KIF2C: variants seen among roughly 807,000 people sequenced by gnomAD.
KIF2C encodes the protein kinesin family member 2C.
Under a neutral mutation model 97.4 loss-of-function variants are expected in KIF2C, and 34 were observed. The ratio of observed to expected loss-of-function variants is 0.35; its 90% confidence interval spans 0.27 to 0.46. The LOEUF (loss-of-function observed/expected upper bound fraction) is 0.46, where lower values mean the gene tolerates loss of function less well. KIF2C is among the 20% of genes least tolerant of loss of function. The pLI, the probability that KIF2C is intolerant of heterozygous loss-of-function variation, is 1.00. For missense variants in KIF2C, 750 were observed against 907.6 expected (o/e 0.83, Z 2.23); for synonymous variants, 313 against 318.2 (o/e 0.98, Z 0.17).
At chr1:44,741,367 G>A (rs888171845) in intron 2 of KIF2C, among the ~76,000 whole-genome samples, 6 of 146,358 alleles carry the variant, frequency 4.1e-5, no homozygotes, top group African/African-American at 1.5e-4. Context: ...GGGTGACAGT[G>A]AGAATCTGTC....
At chr1:44,746,822 G>A (rs1461251805) in intron 2 of KIF2C, 1 of 1,512,692 alleles carries the variant, frequency 6.6e-7, no homozygotes, top group African/African-American at 1.4e-5. Flanking sequence ...GGAACTTAAA[G>A]TTGGTAAAGT....
Position 44,757,889 on chromosome 1 carries a change from C to G in KIF2C, c.1069-19C>G. On this transcript the variant is annotated intron_variant, in intron 11 of 20. Coordinates refer to ENST00000372224, the MANE Select transcript of KIF2C (RefSeq NM_006845.4). ...GCCAACAGCCCTTTTCCATGGTCTT[C>G]TACCCCTTCCCTTTGCAGACTATGG... 2.5e-6 allele frequency: 4 copies of G among 1,613,416 alleles called. No individual in the cohort carries two copies. Among genetic ancestry groups the G allele is most frequent in the Non-Finnish European group, 3.4e-6 (4 of 1,179,614 alleles).
In KIF2C at chr1:44,750,426, G is replaced by A. The variant is rs1249756993; in HGVS notation, c.317-16G>A. On this transcript the variant is annotated splice_polypyrimidine_tract_variant and intron_variant, in intron 4 of 20. Transcript: ENST00000372224. The stretch of plus-strand genomic sequence containing the variant: ...GATCGTGCAGCACTGACTGGCTACT[G>A]CTCTCGGTTCTCCAGGTCTTCGAAG... 2.1e-6 allele frequency: 3 copies of A among 1,437,454 alleles called. No homozygotes were observed. The highest frequency in any genetic ancestry group is 2.6e-5 in the East Asian group (1 of 38,290). The allele number at this position is 1,437,454 out of a possible 1,614,324, so 89.0% of individuals were successfully genotyped here. A position where few individuals can be genotyped will look rare whatever the true frequency, so the allele number is the denominator to read the frequency against.
At position 44,757,983 on chromosome 1, in the gene KIF2C, G is replaced by A. The variant is rs1649929350; in HGVS notation, c.1132+12G>A. The A allele has an allele frequency of 6.2e-7, 1 of 1,614,148 alleles. No homozygotes were observed. Among genetic ancestry groups the A allele is most frequent in the East Asian group, 2.2e-5 (1 of 44,892 alleles). On this transcript the variant is annotated intron_variant, in intron 12 of 20. Transcript: ENST00000372224. ...CTATGCCATGGCCTGTAAGTACTGT[G>A]TACTGCTGCTTCAGGGTTGGGCACA...
intron 14 of KIF2C, among the ~76,000 whole-genome samples, chr1:44,759,961 G>A (rs1203352100): frequency 6.6e-6 from 1 of 152,178 alleles, no homozygotes; most frequent in Non-Finnish European, 1.5e-5. Flanking sequence ...GTTCTGGCAG[G>A]TGGTTCATGA....
chr1:44,767,252 C>A lies in KIF2C; in HGVS notation c.*73C>A. ...GGCCCTCCCCAGAGAACTTTGGGTA[C>A]CTGGTGGGTCTAGGCAGGGTCTGAG... On this transcript the variant is annotated 3_prime_UTR_variant, in exon 21 of 21. Transcript: ENST00000372224. 1 of 1,351,606 alleles carries A rather than the reference C, an allele frequency of 7.4e-7. No individual in the cohort carries two copies. Among genetic ancestry groups the A allele is most frequent in the Non-Finnish European group, 1.1e-6 (1 of 948,518 alleles). The allele number at this position is 1,351,606 out of a possible 1,614,324, so 83.7% of individuals were successfully genotyped here.
intron 12 of KIF2C, 31 bp from the exon 13 acceptor site, chr1:44,758,018 G>A (rs776903984): frequency 1.2e-6 from 2 of 1,614,010 alleles, no homozygotes; most frequent in Non-Finnish European, 8.5e-7. Flanking sequence ...AGAAAGGCAG[G>A]TTGTTTGCTT....
intron 18 of KIF2C, 29 bp downstream of exon 18, chr1:44,762,480 C>G: frequency 6.2e-7 from 1 of 1,610,952 alleles, no homozygotes; most frequent in Non-Finnish European, 8.5e-7. Flanking sequence ...CCAAGCAAGA[C>G]AGAAGTGTGG....
intron 19 of KIF2C, among the ~76,000 whole-genome samples, chr1:44,764,083 A>G (rs572970083): frequency 2.2e-4 from 33 of 152,184 alleles, no homozygotes; most frequent in African/African-American, 7.7e-4. Context: ...GTCCGTGTTC[A>G]TGGGATTGGA....
chr1:44,742,734 A>C (rs909261456), intron 2 of KIF2C, among the ~76,000 whole-genome samples: 18 of 151,570 alleles, frequency 1.2e-4, no homozygotes, highest in African/African-American at 3.6e-4. Flanking sequence ...AAAAAAAAAA[A>C]AAACAAACTG....
chr1:44,747,403 C>T lies in KIF2C; in HGVS notation c.185C>T (p.Ala62Val), dbSNP rs1270464503. The change falls in exon 3 of 21, where the codon GCT becomes GTT. Residue 62 changes from alanine to valine, a missense_variant. Transcript: ENST00000372224. ...KGKEIDFDDVAAINPELLQLL... is the reference protein window; with the variant it reads ...KGKEIDFDDVVAINPELLQLL... Reference sequence around the variant, plus strand: ...TTGCAGATTGATTTTGATGATGTGGCTGCAATAAACCCAGAACTCTTACAG... The same window carrying T: ...TTGCAGATTGATTTTGATGATGTGGTTGCAATAAACCCAGAACTCTTACAG... 6.2e-7 allele frequency: 1 copy of T among 1,611,316 alleles called. No homozygotes were observed. Among genetic ancestry groups the T allele is most frequent in the Admixed American group, 1.7e-5 (1 of 59,320 alleles).
At position 44,760,190 on chromosome 1, in the gene KIF2C, C is replaced by CTGTG; in HGVS notation, c.1368-88_1368-85dup. On this transcript the variant is annotated intron_variant, in intron 14 of 20. Coordinates refer to ENST00000372224, the MANE Select transcript of KIF2C (RefSeq NM_006845.4). The surrounding 1 kb of genome is among the most constrained non-coding windows in gnomAD (Gnocchi z 4.2). ...AAACAGGACTTTTTCGCCTCCTAAC[C>CTGTG]TGTGTCCCTCCCTTCCTAGAGAACT... is the stretch of plus-strand genomic sequence containing the variant. The CTGTG allele has an allele frequency of 8.2e-7, 1 of 1,223,564 alleles. No homozygotes were observed. The highest frequency in any genetic ancestry group is 1.8e-5 in the Admixed American group (1 of 55,336). 75.8% of individuals were successfully genotyped at this position (1,223,564 alleles called of 1,614,324 possible). A position where few individuals can be genotyped will look rare whatever the true frequency, so the allele number is the denominator to read the frequency against.
chr1:44,750,697 C>G, intron 5 of KIF2C, 133 bp downstream of exon 5: 1 of 1,038,038 alleles, frequency 9.6e-7, no homozygotes, highest in Non-Finnish European at 1.3e-6. Context: ...CCTACCAACA[C>G]GGCTTTCTTA....
At chr1:44,758,237 GATTAGCT>G in intron 13 of KIF2C, 97 bp downstream of exon 13, 1 of 375,932 alleles carries the variant, frequency 2.7e-6, no homozygotes, top group Non-Finnish European at 3.8e-6. Flanking sequence ...CCTATTAGCT[GATTAGCT>G]GTCAAGCCAC....
rs376075863 is a variant in KIF2C at position 44,767,402 on chromosome 1, G to A, written c.*223G>A. 2.1e-6 allele frequency: 1 copy of A among 476,446 alleles called. No individual in the cohort carries two copies. The highest frequency in any genetic ancestry group is 2.1e-5 in the South Asian group (1 of 46,926). 29.5% of individuals were successfully genotyped at this position (476,446 alleles called of 1,614,324 possible). A position where few individuals can be genotyped will look rare whatever the true frequency, so the allele number is the denominator to read the frequency against. ...CAGTTGTCGCCCTCACGAGAGGAAG[G>A]AGCTCTTAGTTACCCTTTTGTGTTG... is the stretch of plus-strand genomic sequence containing the variant. On this transcript the variant is annotated 3_prime_UTR_variant, in exon 21 of 21. Coordinates refer to ENST00000372224, the MANE Select transcript of KIF2C (RefSeq NM_006845.4).
intron 2 of KIF2C, chr1:44,746,742 C>T (rs1649215554): frequency 6.2e-7 from 1 of 1,610,154 alleles, no homozygotes; most frequent in African/African-American, 1.3e-5. Flanking sequence ...AAATCAGAAA[C>T]CCATATCCAT....
intron 4 of KIF2C, among the ~76,000 whole-genome samples, chr1:44,749,602 A>G (rs1240212459): frequency 2.0e-5 from 3 of 152,142 alleles, no homozygotes; most frequent in Admixed American, 1.3e-4. Context: ...AAAATAAAAA[A>G]TAAAATAAAA....
At chr1:44,746,078 G>A (rs12405483) in intron 2 of KIF2C, among the ~76,000 whole-genome samples, 2,910 of 151,520 alleles carry the variant, frequency 0.019, 44 homozygotes, top group Admixed American at 0.044. Flanking sequence ...GGGTTTCACC[G>A]TGTTGCCCAG....
chr1:44,755,883 T>G (rs758499172), intron 8 of KIF2C, 46 bp from the exon 9 acceptor site: 8 of 1,596,208 alleles, frequency 5.0e-6, no homozygotes, highest in Non-Finnish European at 6.9e-6. Context: ...CTTTTGAAAT[T>G]GCTCTGACCC....
Sources: allele counts gnomAD v4.1 joint callset (sites outside exome capture counted in the v4.1 genomes callset), GRCh38; gene constraint gnomAD v4.1.1; non-coding constraint Gnocchi (gnomAD v3.1); transcripts MANE v1.5; gene names NCBI Gene and HGNC (gene_info 2026-07-23, HGNC 2026-07-21).